Variants in ARFGEF1 observed in about 807,000 individuals in gnomAD.
ARFGEF1 encodes ARF guanine nucleotide exchange factor 1.
In ARFGEF1, 42 loss-of-function variants were observed where a neutral mutation model predicts 231.0. That is an observed-to-expected ratio of 0.18 (90% CI 0.14 to 0.24). The LOEUF (loss-of-function observed/expected upper bound fraction) is 0.24, where lower values mean the gene tolerates loss of function less well. Ranked by LOEUF, ARFGEF1 falls within the 10% of genes least tolerant of loss-of-function variation. The probability of loss-of-function intolerance (pLI) is 1.00; values close to 1 mark genes in which losing one functional copy is unlikely to be tolerated. For synonymous variants in ARFGEF1, 710 were observed against 732.3 expected, an observed-to-expected ratio of 0.97 and a Z score of 0.49; for missense variants, 1,345 against 2,192.0, an observed-to-expected ratio of 0.61 and a Z score of 7.72.
At chr8:67,254,202 A>C (rs553832903) in intron 17 of ARFGEF1, among the ~76,000 whole-genome samples, 1 of 152,324 alleles carries the variant, frequency 6.6e-6, no homozygotes, top group Non-Finnish European at 1.5e-5. Flanking sequence ...TGCCTTTTGC[A>C]CCTTGATAAA....
intron 1 of ARFGEF1, among the ~76,000 whole-genome samples, chr8:67,334,399 T>C (rs891305136): frequency 4.0e-5 from 6 of 151,804 alleles, no homozygotes; most frequent in African/African-American, 1.5e-4. Context: ...TAACACTTCA[T>C]CATAACAACT....
At chr8:67,294,136 T>C (rs541563780) in intron 5 of ARFGEF1, among the ~76,000 whole-genome samples, 1 of 152,256 alleles carries the variant, frequency 6.6e-6, no homozygotes, top group South Asian at 2.1e-4. Flanking sequence ...TATTAGGTAT[T>C]ATAAGTAATG....
At chr8:67,264,744 A>AG (rs1481257725) in intron 14 of ARFGEF1, among the ~76,000 whole-genome samples, 1 of 152,188 alleles carries the variant, frequency 6.6e-6, no homozygotes, top group African/African-American at 2.4e-5. Context: ...AGCTGCTGAG[A>AG]GAAGGACTGG....
At chr8:67,220,031 G>C (rs540661951) in intron 29 of ARFGEF1, among the ~76,000 whole-genome samples, 1 of 152,054 alleles carries the variant, frequency 6.6e-6, no homozygotes, top group African/African-American at 2.4e-5. Context: ...TAAACAAAAG[G>C]ATTTACAAAA....
At chr8:67,235,123 C>CGT (rs1839684278) in intron 22 of ARFGEF1, among the ~76,000 whole-genome samples, 3 of 147,604 alleles carry the variant, frequency 2.0e-5, no homozygotes, top group Admixed American at 6.8e-5. Context: ...CACACACACA[C>CGT]GTGTCAAAAT....
chr8:67,260,454 T>C (rs1804569181), intron 14 of ARFGEF1, among the ~76,000 whole-genome samples: 8 of 152,200 alleles, frequency 5.3e-5, no homozygotes, highest in Admixed American at 5.2e-4. Context: ...TCACACTTTT[T>C]CACTATTATA....
At chr8:67,310,149 TCATGCGGA>T (rs1806929980) in intron 1 of ARFGEF1, among the ~76,000 whole-genome samples, 2 of 152,048 alleles carry the variant, frequency 1.3e-5, no homozygotes, top group African/African-American at 2.4e-5. Context: ...GGTCTCCCTC[TCATGCGGA>T]GCCGAAGCTG....
At chr8:67,185,112 A>C (rs1019754915) in intron 5 of ARFGEF1, among the ~76,000 whole-genome samples, 37 of 150,842 alleles carry the variant, frequency 2.5e-4, no homozygotes, top group Admixed American at 1.2e-3. Flanking sequence ...CTCAAAAAAA[A>C]AAAAACAAAA....
intron 7 of ARFGEF1, among the ~76,000 whole-genome samples, chr8:67,282,016 C>T (rs906158765): frequency 6.6e-6 from 1 of 152,046 alleles, no homozygotes; most frequent in Non-Finnish European, 1.5e-5. Flanking sequence ...AAGCACATTA[C>T]AATTTCAATT....
At chr8:67,234,508 T>C (rs537248527) in intron 22 of ARFGEF1, among the ~76,000 whole-genome samples, 11 of 152,168 alleles carry the variant, frequency 7.2e-5, no homozygotes, top group Non-Finnish European at 1.5e-4. Flanking sequence ...GGCAGCTATA[T>C]AAAGTAATGG....
At chr8:67,209,417 G>A (rs1301412335) in intron 34 of ARFGEF1, among the ~76,000 whole-genome samples, 1 of 151,746 alleles carries the variant, frequency 6.6e-6, no homozygotes, top group African/African-American at 2.4e-5. Context: ...CAGGGGCTGG[G>A]GAAGAGGAGA....
chr8:67,302,262 G>T (rs1806526926), intron 2 of ARFGEF1, among the ~76,000 whole-genome samples, 174 bp downstream of exon 2: 1 of 151,774 alleles, frequency 6.6e-6, no homozygotes, highest in African/African-American at 2.4e-5. Flanking sequence ...AAATATAATT[G>T]TATTTATTGT....
Position 67,258,826 on chromosome 8 carries a change from C to A in ARFGEF1, c.2236-536G>T, listed in dbSNP as rs148824464. Among the ~76,000 whole-genome samples, 140 of 150,956 alleles carry A rather than the reference C, an allele frequency of 9.3e-4. 1 individual carries two copies. In the East Asian group the frequency reaches 0.023, roughly 25 times the overall value. The stretch of plus-strand genomic sequence containing the variant: ...ATTTAAAAAGCAGATTTTACACACA[C>A]ACACACACACACACACACACACACA... On this transcript the variant is annotated intron_variant, in intron 15 of 38. Transcript: ENST00000262215.
chr8:67,279,434 A>C (rs1805446091), intron 7 of ARFGEF1, among the ~76,000 whole-genome samples: 2 of 152,124 alleles, frequency 1.3e-5, no homozygotes, highest in African/African-American at 4.8e-5. Flanking sequence ...AATTTTGTGC[A>C]CACAACTGGA....
At chr8:67,263,812 C>G (rs1288505911) in intron 14 of ARFGEF1, among the ~76,000 whole-genome samples, 4 of 152,082 alleles carry the variant, frequency 2.6e-5, no homozygotes, top group Non-Finnish European at 5.9e-5. Flanking sequence ...TAGATGTATT[C>G]ACAAGGTAAG....
intron 29 of ARFGEF1, among the ~76,000 whole-genome samples, chr8:67,222,241 A>ATGTATGTT: frequency 7.4e-6 from 1 of 135,828 alleles, no homozygotes. Context: ...GTATGTATGT[A>ATGTATGTT]TGTATGTATG....
chr8:67,333,469 G>C (rs961314042), intron 1 of ARFGEF1, among the ~76,000 whole-genome samples: 2 of 151,614 alleles, frequency 1.3e-5, no homozygotes, highest in Non-Finnish European at 2.9e-5. Flanking sequence ...ACCACACCCA[G>C]TAATTTTTTT....
At chr8:67,270,075 G>A (rs1805013572) in intron 10 of ARFGEF1, among the ~76,000 whole-genome samples, 1 of 152,024 alleles carries the variant, frequency 6.6e-6, no homozygotes, top group Admixed American at 6.6e-5. Context: ...AAGACTTCTG[G>A]TTTTTTACAA....
Position 67,292,126 on chromosome 8 carries a change from G to A in ARFGEF1, c.640-3C>T. The A allele has an allele frequency of 1.9e-6, 3 of 1,603,240 alleles. No homozygotes were observed. The highest frequency in any genetic ancestry group is 2.6e-6 in the Non-Finnish European group (3 of 1,175,792). On this transcript the variant is annotated splice_region_variant and splice_polypyrimidine_tract_variant and intron_variant, in intron 5 of 38. Transcript: ENST00000262215. ...TCCATTTGTTTTGCTTCCTGTAACT[G>A]GAAATAAATAAAATTTCCAATATTA... is the stretch of plus-strand genomic sequence containing the variant.
Sources: gnomAD v4.1 joint callset for allele counts (sites outside exome capture counted in the v4.1 genomes callset) on GRCh38, gnomAD v4.1.1 for gene constraint, MANE v1.5 for transcripts, NCBI Gene and HGNC (gene_info 2026-07-23, HGNC 2026-07-21) for gene names.